SYNE2: variants seen among roughly 807,000 people sequenced by gnomAD.
SYNE2 encodes the protein nesprin-2.
In SYNE2, 431 loss-of-function variants were observed where a neutral mutation model predicts 856.3. That is an observed-to-expected ratio of 0.50 (90% confidence interval 0.47 to 0.55). The LOEUF is 0.55. SYNE2 is among the 20% of genes least tolerant of loss of function. The pLI, the probability that SYNE2 is intolerant of heterozygous loss-of-function variation, is 0.00. For synonymous variants in SYNE2, 2,923 were observed against 2,872.3 expected (o/e 1.02, Z -0.56); for missense variants, 8,129 against 8,023.2 (o/e 1.01, Z -0.50).
intron 45 of SYNE2, among the ~76,000 whole-genome samples, chr14:64,036,659 C>A (rs1308901242): frequency 6.6e-6 from 1 of 152,100 alleles, no homozygotes; most frequent in Non-Finnish European, 1.5e-5. Flanking sequence ...CAGTTTCTTT[C>A]CATTTTACTC....
chr14:63,959,228 A>G (rs61984090), intron 8 of SYNE2, among the ~76,000 whole-genome samples: 102,393 of 149,914 alleles, frequency 0.68, 35,241 homozygotes, highest in Admixed American at 0.76. Flanking sequence ...GCTCACAGCC[A>G]ATGTGAACTT....
intron 94 of SYNE2, 64 bp from the exon 95 acceptor site, chr14:64,174,880 C>A: frequency 6.9e-7 from 1 of 1,442,462 alleles, no homozygotes. Context: ...TATACACAGG[C>A]ACACACAATC....
intron 31 of SYNE2, 148 bp downstream of exon 31, chr14:64,007,370 G>A: frequency 1.3e-6 from 1 of 781,070 alleles, no homozygotes; most frequent in Non-Finnish European, 2.2e-6. Context: ...CAGGGCCAGT[G>A]TCTGGGACAA....
At chr14:63,840,181 A>G (rs1217039937) in intron 1 of SYNE2, among the ~76,000 whole-genome samples, 1 of 152,116 alleles carries the variant, frequency 6.6e-6, no homozygotes. Context: ...AAGGCAGGAG[A>G]ATCACTTGAA....
chr14:64,039,138 C>A (rs1429342841), intron 45 of SYNE2, among the ~76,000 whole-genome samples: 1 of 152,154 alleles, frequency 6.6e-6, no homozygotes, highest in Non-Finnish European at 1.5e-5. Context: ...TATGCTTATG[C>A]AAGAGTTGTT....
chr14:64,167,128 T>C, intron 90 of SYNE2, 105 bp from the exon 91 acceptor site: 1 of 1,454,744 alleles, frequency 6.9e-7, no homozygotes, highest in Non-Finnish European at 9.5e-7. Context: ...GTCATTTGCC[T>C]GTTCAGGCCC....
intron 1 of SYNE2, among the ~76,000 whole-genome samples, chr14:63,860,841 G>A (rs1216760377): frequency 1.3e-5 from 2 of 152,178 alleles, no homozygotes; most frequent in Non-Finnish European, 1.5e-5. Flanking sequence ...AGGCCCATAA[G>A]CAGAGGAACA....
At chr14:63,873,407 T>G (rs758741024) in intron 1 of SYNE2, 1 of 152,062 alleles carries the variant, frequency 6.6e-6, no homozygotes, top group East Asian at 1.9e-4. Flanking sequence ...TGTTTTTTGT[T>G]TTTTTTTAGA....
rs187265204 is a variant in SYNE2, at chr14:63,783,485, C to G, written c.-305+21499C>G. Among the ~76,000 whole-genome samples the G allele has an allele frequency of 4.1e-3, 626 of 152,256 alleles. 9 individuals are homozygous for G. Among genetic ancestry groups the G allele is most frequent in the African/African-American group, 0.014 (589 of 41,564 alleles). ...CTCCGCCTCCCGGGTTCAAGGAATT[C>G]TCCTGCCTCAGCCTCCTGAGTAGCT... On this transcript the variant is annotated intron_variant, in intron 1 of 23. Coordinates refer to the SYNE2 transcript ENST00000674003.
chr14:64,014,181 A>G (rs2096870017), intron 32 of SYNE2, among the ~76,000 whole-genome samples: 2 of 152,192 alleles, frequency 1.3e-5, no homozygotes, highest in South Asian at 4.1e-4. Flanking sequence ...AGATTCATTC[A>G]GGTTCTTCCA....
intron 6 of SYNE2, among the ~76,000 whole-genome samples, chr14:63,943,447 A>G (rs2095957416): frequency 6.6e-6 from 1 of 152,164 alleles, no homozygotes. Context: ...AAAACTAGAA[A>G]AATAGCATAA....
chr14:63,890,091 C>T (rs770707411), intron 1 of SYNE2, among the ~76,000 whole-genome samples: 1 of 130,838 alleles, frequency 7.6e-6, no homozygotes, highest in Non-Finnish European at 1.5e-5. Context: ...GGGTCTCGCT[C>T]TGTCACCTCG....
In SYNE2 at chr14:63,993,841, C is replaced by A; in HGVS notation, c.2653C>A (p.Leu885Ile). ...GELISKHKEA[L>I]IISNTKSLAK... ...CAATTTTTTTTTTTTTTAGGAAGCA[C>A]TAATAATTTCTAATACAAAAAGTCT... The change falls in exon 22 of 116, where the codon CTA becomes ATA. Residue 885 changes from leucine (L) to isoleucine (I), a missense_variant. Transcript: ENST00000555002. The A allele has an allele frequency of 6.3e-7, 1 of 1,596,310 alleles. No homozygotes were observed. The highest frequency in any genetic ancestry group is 8.5e-7 in the Non-Finnish European group (1 of 1,171,518).
chr14:63,892,145 C>G (rs560588043), intron 1 of SYNE2, among the ~76,000 whole-genome samples: 1 of 152,100 alleles, frequency 6.6e-6, no homozygotes, highest in Non-Finnish European at 1.5e-5. Context: ...AATCCTTCAT[C>G]AGTGGGAAAA....
chr14:63,932,534 C>T (rs1355616276), intron 2 of SYNE2, among the ~76,000 whole-genome samples: 2 of 150,844 alleles, frequency 1.3e-5, no homozygotes, highest in East Asian at 2.0e-4. Flanking sequence ...TGGCAAAACC[C>T]CGCCTCCATA....
rs768314437 is a variant in SYNE2, at chr14:64,139,943, A to G, written c.14846A>G (p.Tyr4949Cys). ...CTCTCTCACTTTGCTCCTGTTAGTT[A>G]TAACAGAGATTCGGATCAGTTAACC... ...LQALLKHLLS[Y>C]NRDSDQLTKW... Residue 4949 changes from tyrosine to cysteine, a missense_variant and splice_region_variant, in exon 80 of 116, where the codon TAT becomes TGT. Physicochemically the swap from Tyr to Cys is radical, Grantham distance 194 (BLOSUM62 -2). This residue lies in a region of SYNE2 where 5,410 missense variants were observed against 5,284.8 expected (regional missense o/e 1.02). Coordinates refer to ENST00000555002, the MANE Select transcript of SYNE2 (RefSeq NM_182914.3). 9.9e-6 allele frequency: 16 copies of G among 1,613,954 alleles called. 1 individual carries two copies. The highest frequency in any genetic ancestry group is 6.6e-5 in the South Asian group (6 of 91,088).
Position 64,170,393 on chromosome 14 carries a change from G to T in SYNE2, c.17166G>T (p.Leu5722=), listed in dbSNP as rs772625591. The change falls in exon 94 of 116, where the codon CTG becomes CTT. Residue 5722 remains leucine, a synonymous_variant. Transcript: ENST00000555002. Reference sequence around the variant, plus strand: ...GCTTCCTCACTGACACCAGCCACCTGCTATCTGCAGTGAAGGGCCAGGAGC... The same window carrying T: ...GCTTCCTCACTGACACCAGCCACCTTCTATCTGCAGTGAAGGGCCAGGAGC... ...LFRFLTDTSH[L]LSAVKGQERF... is the part of the protein sequence containing the mutation. 1 of 1,614,062 alleles carries T rather than the reference G, an allele frequency of 6.2e-7. No homozygotes were observed. The highest frequency in any genetic ancestry group is 1.3e-5 in the African/African-American group (1 of 74,912).
At chr14:63,834,230 G>T (rs552002964) in intron 1 of SYNE2, among the ~76,000 whole-genome samples, 13 of 152,146 alleles carry the variant, frequency 8.5e-5, no homozygotes, top group Admixed American at 8.5e-4. Context: ...AGGTGTGGGG[G>T]CACATACCTG....
At chr14:64,147,017 A>G (rs995521066) in intron 84 of SYNE2, among the ~76,000 whole-genome samples, 12 of 152,204 alleles carry the variant, frequency 7.9e-5, no homozygotes, top group East Asian at 1.9e-4. Flanking sequence ...CCACCTCCCA[A>G]TGAGCCATCT....
Sources: gnomAD v4.1 joint callset for allele counts (sites outside exome capture counted in the v4.1 genomes callset) on GRCh38, gnomAD v4.1.1 for gene constraint, gnomAD v4.1.1 regional missense constraint, MANE v1.5 for transcripts, NCBI Gene and HGNC (gene_info 2026-07-23, HGNC 2026-07-21) for gene names.